Variants in ADGRF5 observed in about 807,000 individuals in gnomAD.
The protein encoded by ADGRF5 is G-protein coupled receptor 116.
A neutral mutation model predicts 132.3 loss-of-function variants in ADGRF5; 75 were observed. That is an observed-to-expected ratio of 0.57 (90% CI 0.47 to 0.69). ADGRF5 has a LOEUF of 0.69. ADGRF5 is among the 30% of genes least tolerant of loss of function. The pLI, the probability that ADGRF5 is intolerant of heterozygous loss-of-function variation, is 0.00. For synonymous variants in ADGRF5, 629 were observed against 597.6 expected (o/e 1.05, Z -0.77); for missense variants, 1,516 against 1,630.6 (o/e 0.93, Z 1.21).
chr6:46,942,779 C>T (rs910373359), intron 1 of ADGRF5, among the ~76,000 whole-genome samples: 9 of 152,150 alleles, frequency 5.9e-5, no homozygotes, highest in African/African-American at 1.9e-4. Flanking sequence ...TTTCTTTCTT[C>T]CTTTTTCTCT....
chr6:46,881,583 A>G lies in ADGRF5; in HGVS notation c.686T>C (p.Val229Ala). The G allele has an allele frequency of 4.3e-6, 7 of 1,613,930 alleles. No homozygotes were observed. Among genetic ancestry groups the G allele is most frequent in the Non-Finnish European group, 5.9e-6 (7 of 1,179,834 alleles). Residue 229 changes from valine (V) to alanine (A), a missense_variant, in exon 8 of 21, where the codon GTT (valine) becomes GCT (alanine). Val to Ala is a moderately conservative substitution (Grantham distance 64). Transcript: ENST00000283296. The stretch of plus-strand genomic sequence containing the variant: ...TGTAGTCTTGACTTCATATGTCACA[A>G]CCACACTTCCAGACCTGGACAGAGA... ...TVTGFKSGSV[V>A]VTYEVKTTPP...
chr6:46,867,558 C>T (rs1427079448), intron 12 of ADGRF5, among the ~76,000 whole-genome samples: 1 of 152,100 alleles, frequency 6.6e-6, no homozygotes, highest in East Asian at 1.9e-4. Context: ...TTATGACACC[C>T]CTATCTCCCA....
At chr6:46,854,174 G>C in intron 20 of ADGRF5, 103 bp from the exon 21 acceptor site, 1 of 761,072 alleles carries the variant, frequency 1.3e-6, no homozygotes, top group Non-Finnish European at 2.1e-6. Flanking sequence ...CCAGGTGCCA[G>C]GTAAGCTCGG....
intron 3 of ADGRF5, among the ~76,000 whole-genome samples, chr6:46,891,464 T>A (rs889237462): frequency 6.6e-6 from 1 of 152,210 alleles, no homozygotes; most frequent in African/African-American, 2.4e-5. Context: ...GTTCACTACC[T>A]CCAGGATCCT....
intron 1 of ADGRF5, among the ~76,000 whole-genome samples, chr6:46,910,784 C>A (rs1337963851): frequency 6.6e-6 from 1 of 152,150 alleles, no homozygotes; most frequent in Admixed American, 6.5e-5. Context: ...CTTCTAGCCT[C>A]ATTTTGCCAC....
intron 1 of ADGRF5, among the ~76,000 whole-genome samples, chr6:46,932,509 T>G (rs1317188734): frequency 6.6e-6 from 1 of 152,208 alleles, no homozygotes; most frequent in Non-Finnish European, 1.5e-5. Flanking sequence ...GGGTTTTCTG[T>G]GCACATTAAT....
intron 1 of ADGRF5, among the ~76,000 whole-genome samples, chr6:46,953,265 A>T (rs1367170326): frequency 6.6e-6 from 1 of 152,146 alleles, no homozygotes; most frequent in Non-Finnish European, 1.5e-5. Context: ...CTGATGCCTG[A>T]TGCAGCTAGT....
chr6:46,915,751 G>A (rs934070365), intron 1 of ADGRF5, among the ~76,000 whole-genome samples: 1 of 149,956 alleles, frequency 6.7e-6, no homozygotes, highest in South Asian at 2.1e-4. Context: ...CCAACCCCAA[G>A]AAATACAGTA....
chr6:46,890,294 T>C (rs1012375292), intron 3 of ADGRF5, among the ~76,000 whole-genome samples: 3 of 152,014 alleles, frequency 2.0e-5, no homozygotes, highest in African/African-American at 4.8e-5. Flanking sequence ...GGTTTCGCCA[T>C]GTTGCCCAGG....
chr6:46,939,387 G>A (rs1019121502), intron 1 of ADGRF5, among the ~76,000 whole-genome samples: 1 of 152,178 alleles, frequency 6.6e-6, no homozygotes, highest in African/African-American at 2.4e-5. Flanking sequence ...GAGGGCACTG[G>A]TTTGAGAAGA....
intron 2 of ADGRF5, among the ~76,000 whole-genome samples, chr6:46,901,540 G>T (rs1581921841): frequency 6.6e-6 from 1 of 152,266 alleles, no homozygotes; most frequent in East Asian, 1.9e-4. Flanking sequence ...AACACCCTGT[G>T]CCAAGACAAG....
chr6:46,864,378 T>C (rs1281447210), intron 14 of ADGRF5, among the ~76,000 whole-genome samples: 2 of 152,172 alleles, frequency 1.3e-5, no homozygotes, highest in African/African-American at 4.8e-5. Flanking sequence ...AGAAAAACAG[T>C]GCAGTGTGGA....
At chr6:46,890,469 G>A (rs1347069898) in intron 3 of ADGRF5, among the ~76,000 whole-genome samples, 1 of 151,828 alleles carries the variant, frequency 6.6e-6, no homozygotes, top group African/African-American at 2.4e-5. Context: ...TGTAATCCCA[G>A]CACTTTGGGA....
chr6:46,864,675 C>T (rs1487839334), intron 14 of ADGRF5, among the ~76,000 whole-genome samples: 1 of 152,162 alleles, frequency 6.6e-6, no homozygotes, highest in Non-Finnish European at 1.5e-5. Context: ...CAGGTGCATG[C>T]TCCCATGCCT....
intron 10 of ADGRF5, among the ~76,000 whole-genome samples, chr6:46,876,686 C>T (rs1413972389): frequency 2.0e-5 from 3 of 152,150 alleles, no homozygotes; most frequent in Non-Finnish European, 4.4e-5. Flanking sequence ...TCACTGCAAC[C>T]TCGGCCTCTC....
intron 10 of ADGRF5, among the ~76,000 whole-genome samples, chr6:46,875,085 A>C (rs564898834): frequency 6.6e-6 from 1 of 152,348 alleles, no homozygotes; most frequent in East Asian, 1.9e-4. Flanking sequence ...CCAGAAAACC[A>C]CTGCTATAAG....
intron 3 of ADGRF5, among the ~76,000 whole-genome samples, chr6:46,895,230 T>TA (rs974117698): frequency 1.3e-5 from 2 of 151,812 alleles, no homozygotes; most frequent in East Asian, 1.9e-4. Flanking sequence ...TTGGTATAGT[T>TA]AAAAAAACAA....
chr6:46,899,895 G>T, intron 3 of ADGRF5, 134 bp downstream of exon 3: 1 of 641,658 alleles, frequency 1.6e-6, no homozygotes. Flanking sequence ...AATTATTTTT[G>T]GAAATCACAC....
chr6:46,854,737 C>T lies in ADGRF5; in HGVS notation c.3962-666G>A, dbSNP rs533051834. 2.3e-5 allele frequency: 29 copies of T among 1,286,878 alleles called. No homozygotes were observed. The East Asian group carries it at 3.9e-4, about 17-fold the overall frequency. 79.7% of individuals were successfully genotyped at this position (1,286,878 alleles called of 1,614,324 possible). On this transcript the variant is annotated intron_variant, in intron 20 of 20. Coordinates refer to ENST00000283296, the MANE Select transcript of ADGRF5 (RefSeq NM_001098518.2). ...TACCATCAGATTGCTGAACTGCCACCGCTAACAAGGTTTCCGTCATGGCCT... is the reference window on the plus strand; with the variant it reads ...TACCATCAGATTGCTGAACTGCCACTGCTAACAAGGTTTCCGTCATGGCCT...
Sources: allele counts gnomAD v4.1 joint callset (sites outside exome capture counted in the v4.1 genomes callset), GRCh38; gene constraint gnomAD v4.1.1; transcripts MANE v1.5; gene names NCBI Gene and HGNC (gene_info 2026-07-23, HGNC 2026-07-21).